Variants in KMT2A observed in about 807,000 individuals in gnomAD.
KMT2A encodes histone-lysine N-methyltransferase 2A.
Under a neutral mutation model 345.3 loss-of-function variants are expected in KMT2A, and 16 were observed. The ratio of observed to expected loss-of-function variants is 0.05; its 90% CI spans 0.03 to 0.07. The LOEUF is 0.07. KMT2A is among the 10% of genes least tolerant of loss of function. KMT2A has a pLI of 1.00. For synonymous variants in KMT2A, 1,599 were observed against 1,778.6 expected (o/e 0.90, Z 2.54); for missense variants, 3,272 against 4,841.6 (o/e 0.68, Z 9.62).
Position 118,493,688 on chromosome 11 carries a change from C to T in KMT2A, c.5178+458C>T, listed in dbSNP as rs187649721. Among the ~76,000 whole-genome samples, 1,225 of 151,956 alleles carry T rather than the reference C, an allele frequency of 8.1e-3. 10 individuals carry two copies. The highest frequency in any genetic ancestry group is 0.024 in the Middle Eastern group (7 of 294). On this transcript the variant is annotated intron_variant, in intron 16 of 35. Transcript: ENST00000534358. The surrounding 1 kb of genome is among the most constrained non-coding windows in gnomAD (Gnocchi z 5.8). ...TTTATTATCTCATGATCTATATTTGCGATTCTGTTGTTTATTTTTATTTAT... is the reference window on the plus strand; with the variant it reads ...TTTATTATCTCATGATCTATATTTGTGATTCTGTTGTTTATTTTTATTTAT...
chr11:118,444,823 C>G (rs985898584), intron 1 of KMT2A, among the ~76,000 whole-genome samples: 5 of 152,172 alleles, frequency 3.3e-5, no homozygotes, highest in African/African-American at 1.2e-4. Context: ...GGTCCCCCTA[C>G]CTCAGCCTCC....
In KMT2A at chr11:118,491,724, G is replaced by A. The variant is rs1950327491; in HGVS notation, c.4820-20G>A. On this transcript the variant is annotated intron_variant, in intron 14 of 35. Transcript: ENST00000534358. This position sits in a 1 kb window ranked among gnomAD's most constrained non-coding sequence, Gnocchi z 4.2. ...TCATTCTTCAGAGGACCTCATCATG[G>A]TAGGTTTTTGTTTTCTTAGATGAGA... The A allele has an allele frequency of 6.4e-7, 1 of 1,570,914 alleles. No individual in the cohort carries two copies. Among genetic ancestry groups the A allele is most frequent in the Non-Finnish European group, 8.7e-7 (1 of 1,155,322 alleles).
chr11:118,438,988 AT>A (rs782272564), intron 1 of KMT2A: 213 of 457,480 alleles, frequency 4.7e-4, no homozygotes, highest in Admixed American at 7.3e-4. Context: ...GTAGATTATT[AT>A]TTTTTTTTGA....
In KMT2A at chr11:118,471,673, C is replaced by T. The variant is rs2134257080; in HGVS notation, c.514C>T (p.Pro172Ser). The change falls in exon 3 of 36, where the codon CCT (proline) becomes TCT (serine). Residue 172 changes from proline (P) to serine (S), a missense_variant. Pro to Ser is a moderately conservative substitution (Grantham distance 74). Transcript: ENST00000534358. ...PTRSPSVKTS[P>S]RKPRGRPRSG... ...ATTTCTATACACAGTTAAAACTAGT[C>T]CTCGAAAACCTCGTGGGAGACCTAG... The T allele has an allele frequency of 2.5e-6, 4 of 1,580,058 alleles. No individual in the cohort carries two copies. Among genetic ancestry groups the T allele is most frequent in the Non-Finnish European group, 3.4e-6 (4 of 1,169,136 alleles).
intron 22 of KMT2A, among the ~76,000 whole-genome samples, chr11:118,499,038 TTCATGGCTTA>T (rs1214479675): frequency 6.6e-6 from 1 of 152,232 alleles, no homozygotes; most frequent in African/African-American, 2.4e-5. Flanking sequence ...TTCAAGTCTT[TTCATGGCTTA>T]TTTAGTTGCT....
Position 118,511,880 on chromosome 11 carries a change from C to T in KMT2A, c.11072-71C>T. The T allele has an allele frequency of 1.7e-6, 2 of 1,150,718 alleles. 1 individual carries two copies. 71.3% of individuals were successfully genotyped at this position (1,150,718 alleles called of 1,614,324 possible). A position where few individuals can be genotyped will look rare whatever the true frequency, so the allele number is the denominator to read the frequency against. On this transcript the variant is annotated intron_variant, in intron 30 of 35. Coordinates refer to ENST00000534358, the MANE Select transcript of KMT2A (RefSeq NM_001197104.2). ...GTAGGGATTCTAAGCAGTGCTTGTG[C>T]ACATCATTGGTATTAAGAAGGGTTT...
intron 11 of KMT2A, 48 bp from the exon 12 acceptor site, chr11:118,489,744 G>A (rs1555041962): frequency 6.7e-7 from 1 of 1,495,562 alleles, no homozygotes; most frequent in East Asian, 2.3e-5. Flanking sequence ...TAGGTGTTGG[G>A]TGAAGGTAAT....
chr11:118,478,923 C>G (rs1950084672), intron 5 of KMT2A, among the ~76,000 whole-genome samples: 1 of 152,012 alleles, frequency 6.6e-6, no homozygotes. Context: ...TGCTTGGCCT[C>G]ATATGAAATT....
chr11:118,508,996 C>T (rs1360947665), intron 28 of KMT2A, 140 bp from the exon 29 acceptor site: 1 of 634,348 alleles, frequency 1.6e-6, no homozygotes, highest in African/African-American at 1.8e-5. Context: ...TGTATTCATT[C>T]AACAAGTTCT....
rs1555047319 is a variant in KMT2A at position 118,504,617 on chromosome 11, C to A, written c.8725C>A (p.Pro2909Thr). ...VFSQQLPTTE[P>T]VDSSVSSSIS... The stretch of plus-strand genomic sequence containing the variant: ...TTCTCAGCAGCTGCCTACAACAGAA[C>A]CTGTGGATAGTAGTGTCTCTTCCTC... Residue 2909 changes from proline (P) to threonine (T), a missense_variant, in exon 27 of 36, where the codon CCT becomes ACT. Physicochemically the swap from Pro to Thr is conservative, Grantham distance 38. Around this residue, in one of 27 missense-constraint regions of KMT2A, gnomAD observed 748 missense variants for 922.2 expected, o/e 0.81. Coordinates refer to ENST00000534358, the MANE Select transcript of KMT2A (RefSeq NM_001197104.2). This position sits in a 1 kb window ranked among gnomAD's most constrained non-coding sequence, Gnocchi z 6.4. 6.2e-7 allele frequency: 1 copy of A among 1,614,104 alleles called. No homozygotes were observed.
At chr11:118,509,424 A>G (rs1424555622) in intron 29 of KMT2A, among the ~76,000 whole-genome samples, 1 of 152,210 alleles carries the variant, frequency 6.6e-6, no homozygotes, top group African/African-American at 2.4e-5. Flanking sequence ...TAAGGACTCA[A>G]GACCATACCC....
At chr11:118,458,850 T>A (rs1014759692) in intron 1 of KMT2A, among the ~76,000 whole-genome samples, 1 of 152,220 alleles carries the variant, frequency 6.6e-6, no homozygotes, top group Admixed American at 6.5e-5. Flanking sequence ...GCCTCCTGGA[T>A]ATTTCTTCAA....
chr11:118,460,191 C>T (rs963961812), intron 1 of KMT2A, among the ~76,000 whole-genome samples: 4 of 152,106 alleles, frequency 2.6e-5, no homozygotes, highest in Non-Finnish European at 5.9e-5. Flanking sequence ...TGCCTAGTTA[C>T]AATACTGAGG....
intron 27 of KMT2A, 151 bp downstream of exon 27, chr11:118,506,797 T>C (rs1214280932): frequency 1.4e-6 from 1 of 738,066 alleles, no homozygotes; most frequent in African/African-American, 1.8e-5. Flanking sequence ...TCTCTCTGAG[T>C]GGTGATTTAT....
chr11:118,507,697 GC>G, intron 28 of KMT2A, 88 bp downstream of exon 28: 3 of 1,024,852 alleles, frequency 2.9e-6, no homozygotes, highest in Non-Finnish European at 4.5e-6. Flanking sequence ...GGGCGCAGTG[GC>G]TCACGCCTGT....
At position 118,504,871 on chromosome 11, in the gene KMT2A, T is replaced by C. The variant is rs782458275; in HGVS notation, c.8979T>C (p.Thr2993=). 1 of 1,614,102 alleles carries C rather than the reference T, an allele frequency of 6.2e-7. No individual in the cohort carries two copies. The highest frequency in any genetic ancestry group is 2.2e-5 in the East Asian group (1 of 44,878). The change falls in exon 27 of 36, where the codon ACT becomes ACC. Residue 2993 remains threonine, a synonymous_variant. Transcript: ENST00000534358. This position sits in a 1 kb window ranked among gnomAD's most constrained non-coding sequence, Gnocchi z 6.4. ...ATCCAACTCCTGAAGGCCACATGACTCCTGATCATTTTATCCAAGGACACA... is the reference window on the plus strand; with the variant it reads ...ATCCAACTCCTGAAGGCCACATGACCCCTGATCATTTTATCCAAGGACACA... ...GVDPTPEGHM[T]PDHFIQGHMD... is the part of the protein sequence containing the mutation.
Position 118,496,454 on chromosome 11 carries a change from C to T in KMT2A, c.5664+87C>T. 1 of 839,906 alleles carries T rather than the reference C, an allele frequency of 1.2e-6. No individual in the cohort carries two copies. Among genetic ancestry groups the T allele is most frequent in the East Asian group, 2.5e-5 (1 of 39,882 alleles). 52.0% of individuals were successfully genotyped at this position (839,906 alleles called of 1,614,324 possible). ...GTGTCCATACTTGATGACTGGGTGC[C>T]ATTTATTTAATGAACTTACTTATAA... On this transcript the variant is annotated intron_variant, in intron 20 of 35. Coordinates refer to ENST00000534358, the MANE Select transcript of KMT2A (RefSeq NM_001197104.2). This position sits in a 1 kb window ranked among gnomAD's most constrained non-coding sequence, Gnocchi z 4.7.
At position 118,498,596 on chromosome 11, in the gene KMT2A, C is replaced by A. The variant is rs2134369304; in HGVS notation, c.5961+68C>A. 6.8e-7 allele frequency: 1 copy of A among 1,472,858 alleles called. No individual in the cohort carries two copies. The highest frequency in any genetic ancestry group is 1.9e-4 in the Middle Eastern group (1 of 5,400). 91.2% of individuals were successfully genotyped at this position (1,472,858 alleles called of 1,614,324 possible). A position where few individuals can be genotyped will look rare whatever the true frequency, so the allele number is the denominator to read the frequency against. ...TTTTAGAGCAGTTTTAGGTTCACAGCAAAATTGACTGGAAGGTACAGAGAT... is the reference window on the plus strand; with the variant it reads ...TTTTAGAGCAGTTTTAGGTTCACAGAAAAATTGACTGGAAGGTACAGAGAT... On this transcript the variant is annotated intron_variant, in intron 22 of 35. Transcript: ENST00000534358. The surrounding 1 kb of genome is among the most constrained non-coding windows in gnomAD (Gnocchi z 4.4).
Position 118,503,403 on chromosome 11 carries a change from C to T in KMT2A, c.7511C>T (p.Pro2504Leu). 6.2e-7 allele frequency: 1 copy of T among 1,614,002 alleles called. No homozygotes were observed. The highest frequency in any genetic ancestry group is 8.5e-7 in the Non-Finnish European group (1 of 1,179,968). ...TCTATGCCAGGAGTCCCCAAAGCTC[C>T]ACCCATGCAAGTAGAAGGATCTGCC... Reference protein sequence around the residue: ...GLSMPGVPKAPPMQVEGSAKE... With the variant: ...GLSMPGVPKALPMQVEGSAKE... The change falls in exon 27 of 36, where the codon CCA (proline) becomes CTA (leucine). Residue 2504 changes from proline (P) to leucine (L), a missense_variant. Pro to Leu is a moderately conservative substitution (Grantham distance 98). Around this residue, in one of 27 missense-constraint regions of KMT2A, gnomAD observed 445 missense variants for 500.9 expected, o/e 0.89. Coordinates refer to ENST00000534358, the MANE Select transcript of KMT2A (RefSeq NM_001197104.2). This position sits in a 1 kb window ranked among gnomAD's most constrained non-coding sequence, Gnocchi z 5.3.
Sources: allele counts gnomAD v4.1 joint callset (sites outside exome capture counted in the v4.1 genomes callset), GRCh38; gene constraint gnomAD v4.1.1; regional missense constraint gnomAD v4.1.1; non-coding constraint Gnocchi (gnomAD v3.1); transcripts MANE v1.5; gene names NCBI Gene and HGNC (gene_info 2026-07-23, HGNC 2026-07-21).